ZBTB17: variants seen among roughly 807,000 people sequenced by gnomAD.
ZBTB17 encodes the protein zinc finger and BTB domain containing 17.
A neutral mutation model predicts 85.1 loss-of-function variants in ZBTB17; 24 were observed. The observed-to-expected ratio is 0.28, with a 90% confidence interval of 0.20 to 0.40. The LOEUF (loss-of-function observed/expected upper bound fraction) is 0.40, where lower values mean the gene tolerates loss of function less well. Ranked by LOEUF, ZBTB17 falls within the 10% of genes least tolerant of loss-of-function variation. ZBTB17 has a pLI of 1.00. For synonymous variants in ZBTB17, 464 were observed against 460.2 expected (o/e 1.01, Z -0.11); for missense variants, 743 against 1,105.1 (o/e 0.67, Z 4.65).
chr1:15,944,205 G>C (rs1389395582), intron 9 of ZBTB17, 95 bp downstream of exon 9: 1 of 1,488,612 alleles, frequency 6.7e-7, no homozygotes, highest in East Asian at 2.5e-5. Flanking sequence ...CCTGGAGGCC[G>C]GGGCTGTGCT....
Position 15,962,950 on chromosome 1 carries a change from T to TA in ZBTB17, c.-3+10088dup, listed in dbSNP as rs1292468643. Among the ~76,000 whole-genome samples the TA allele has an allele frequency of 6.6e-5, 10 of 151,608 alleles. 1 individual carries two copies. Among genetic ancestry groups the TA allele is most frequent in the Non-Finnish European group, 1.2e-4 (8 of 67,924 alleles). ...CTGAGCAACAGCGAGACCCTGTTTC[T>TA]AAAAAAAATAAAAAAATAAAGCAAA... is the stretch of plus-strand genomic sequence containing the variant. On this transcript the variant is annotated intron_variant, in intron 2 of 15. Transcript: ENST00000375743.
At chr1:15,948,191 C>T in intron 3 of ZBTB17, 100 bp downstream of exon 3, 1 of 1,441,940 alleles carries the variant, frequency 6.9e-7, no homozygotes, top group Non-Finnish European at 9.6e-7. Flanking sequence ...CTGTTGCATC[C>T]CACAGCCTGC....
Position 15,944,489 on chromosome 1 carries a change from G to C in ZBTB17, c.1182C>G (p.Asp394Glu). 3 of 1,579,474 alleles carry C rather than the reference G, an allele frequency of 1.9e-6. No individual in the cohort carries two copies. Among genetic ancestry groups the C allele is most frequent in the Non-Finnish European group, 2.6e-6 (3 of 1,164,610 alleles). ...HSGEARYRCE[D>E]CGKLFTTSGN... is the part of the protein sequence containing the mutation. ...CCGAGGTGGTGAAGAGCTTGCCGCA[G>C]TCCTCGCAGCGGTAGCGCGCCTCGC... The change falls in exon 9 of 16, where the codon GAC (aspartate) becomes GAG (glutamate). Residue 394 changes from aspartate (D) to glutamate (E), a missense_variant. Asp to Glu is a conservative substitution (Grantham distance 45). Transcript: ENST00000375743.
intron 2 of ZBTB17, among the ~76,000 whole-genome samples, chr1:15,960,076 C>T (rs991467170): frequency 5.3e-5 from 8 of 152,222 alleles, no homozygotes; most frequent in Non-Finnish European, 1.2e-4. Flanking sequence ...GACACTGCGA[C>T]GACACTGAAG....
At chr1:15,943,564 C>T in intron 11 of ZBTB17, 35 bp downstream of exon 11, 2 of 1,612,326 alleles carry the variant, frequency 1.2e-6, no homozygotes, top group Non-Finnish European at 1.7e-6. Context: ...CTCTCCGTGC[C>T]CTCCCAGTCC....
At position 15,953,609 on chromosome 1, in the gene ZBTB17, G is replaced by A. The variant is rs1418505353; in HGVS notation, c.-2-5112C>T. Reference sequence around the variant, plus strand: ...AGTAAGCCAGGTTTCTGTTTGGGCCGTGAAATCCACTCTGGTGCCAAGTTC... The same window carrying A: ...AGTAAGCCAGGTTTCTGTTTGGGCCATGAAATCCACTCTGGTGCCAAGTTC... On this transcript the variant is annotated intron_variant, in intron 2 of 15. Coordinates refer to ENST00000375743, the MANE Select transcript of ZBTB17 (RefSeq NM_003443.3). This position sits in a 1 kb window ranked among gnomAD's most constrained non-coding sequence, Gnocchi z 5.1. Among the ~76,000 whole-genome samples the A allele has an allele frequency of 4.6e-5, 7 of 152,294 alleles. No individual in the cohort carries two copies. The highest frequency in any genetic ancestry group is 2.6e-4 in the Admixed American group (4 of 15,298).
At chr1:15,961,173 G>A (rs528596698) in intron 2 of ZBTB17, among the ~76,000 whole-genome samples, 1 of 152,312 alleles carries the variant, frequency 6.6e-6, no homozygotes, top group African/African-American at 2.4e-5. Context: ...TCATTAATGA[G>A]GCTGCCATGC....
rs1288822239 is a variant in ZBTB17 at position 15,964,734 on chromosome 1, A to G, written c.-3+8305T>C. Among the ~76,000 whole-genome samples, 3 of 152,148 alleles carry G rather than the reference A, an allele frequency of 2.0e-5. No individual in the cohort carries two copies. The highest frequency in any genetic ancestry group is 7.2e-5 in the African/African-American group (3 of 41,434). ...CCTGTCTCAGAAAAAAATAAAATGA[A>G]AATGGAAGAGCAATGGGCCAAGGAT... On this transcript the variant is annotated intron_variant, in intron 2 of 15. Transcript: ENST00000375743. The surrounding 1 kb of genome is among the most constrained non-coding windows in gnomAD (Gnocchi z 4.3).
Position 15,964,411 on chromosome 1 carries a change from C to G in ZBTB17, c.-3+8628G>C. Among the ~76,000 whole-genome samples, 1 of 152,120 alleles carries G rather than the reference C, an allele frequency of 6.6e-6. No individual in the cohort carries two copies. Among genetic ancestry groups the G allele is most frequent in the Non-Finnish European group, 1.5e-5 (1 of 68,034 alleles). On this transcript the variant is annotated intron_variant, in intron 2 of 15. Coordinates refer to ENST00000375743, the MANE Select transcript of ZBTB17 (RefSeq NM_003443.3). This position sits in a 1 kb window ranked among gnomAD's most constrained non-coding sequence, Gnocchi z 4.3. The stretch of plus-strand genomic sequence containing the variant: ...TACCAACAATTTTTATGGCATTTGA[C>G]AAATGTAATCTAACATGACAATGGG...
intron 2 of ZBTB17, among the ~76,000 whole-genome samples, chr1:15,950,960 G>C (rs2071811609): frequency 6.6e-6 from 1 of 152,178 alleles, no homozygotes. Flanking sequence ...AAGCTAGATA[G>C]ATTAGATAAG....
chr1:15,944,501 G>T lies in ZBTB17; in HGVS notation c.1170C>A (p.Tyr390Ter). The T allele has an allele frequency of 1.3e-6, 2 of 1,582,542 alleles. No homozygotes were observed. Among genetic ancestry groups the T allele is most frequent in the Admixed American group, 1.8e-5 (1 of 55,030 alleles). ...HKKRHSGEAR[Y>*]RCEDCGKLFT... Reference sequence around the variant, plus strand: ...AGAGCTTGCCGCAGTCCTCGCAGCGGTAGCGCGCCTCGCCCGAGTGCCGCT... The same window carrying T: ...AGAGCTTGCCGCAGTCCTCGCAGCGTTAGCGCGCCTCGCCCGAGTGCCGCT... Residue 390 changes from tyrosine to a stop codon, truncating the protein, a stop_gained, in exon 9 of 16, where the codon TAC (tyrosine) becomes TAA (stop). Transcript: ENST00000375743. LOFTEE classifies it high-confidence loss of function.
chr1:15,975,008 T>C (rs930646691), intron 1 of ZBTB17, among the ~76,000 whole-genome samples: 6 of 152,232 alleles, frequency 3.9e-5, no homozygotes, highest in Admixed American at 3.3e-4. Flanking sequence ...AGATCTTAGC[T>C]TTCTGGGGGA....
chr1:15,945,312 G>A (rs2071552438), intron 6 of ZBTB17, 110 bp from the exon 7 acceptor site: 4 of 1,468,502 alleles, frequency 2.7e-6, no homozygotes, highest in Non-Finnish European at 3.6e-6. Context: ...CACTGGCCAA[G>A]GAAAGCCCCC....
intron 13 of ZBTB17, 123 bp downstream of exon 13, chr1:15,942,941 A>G: frequency 1.4e-6 from 2 of 1,471,712 alleles, no homozygotes; most frequent in South Asian, 2.6e-5. Flanking sequence ...AACTGCCTTC[A>G]AGGCCACCTG....
intron 2 of ZBTB17, among the ~76,000 whole-genome samples, chr1:15,972,688 C>A (rs2072730176): frequency 6.6e-6 from 1 of 152,192 alleles, no homozygotes; most frequent in Non-Finnish European, 1.5e-5. Flanking sequence ...TCAAAGGAAT[C>A]CTGCTCCCAG....
At chr1:15,947,769 T>G (rs2071673804) in intron 3 of ZBTB17, among the ~76,000 whole-genome samples, 1 of 152,192 alleles carries the variant, frequency 6.6e-6, no homozygotes, top group African/African-American at 2.4e-5. Context: ...TCTTTGGGTC[T>G]CAGTTTCCAC....
intron 2 of ZBTB17, chr1:15,970,321 A>G (rs1337040122): frequency 3.8e-6 from 1 of 263,980 alleles, no homozygotes; most frequent in Non-Finnish European, 7.1e-6. Context: ...AGAAGGAAAA[A>G]TAAAAAAAGT....
At chr1:15,971,407 T>C (rs554138790) in intron 2 of ZBTB17, among the ~76,000 whole-genome samples, 4 of 143,520 alleles carry the variant, frequency 2.8e-5, no homozygotes, top group South Asian at 2.1e-4. Flanking sequence ...ACTATATATA[T>C]ACACACACAC....
At chr1:15,946,614 C>T (rs2148765045) in intron 4 of ZBTB17, among the ~76,000 whole-genome samples, 1 of 152,352 alleles carries the variant, frequency 6.6e-6, no homozygotes, top group Non-Finnish European at 1.5e-5. Context: ...CAGCAAGGCA[C>T]CTGGCCCATA....
Sources: allele counts gnomAD v4.1 joint callset (sites outside exome capture counted in the v4.1 genomes callset), GRCh38; gene constraint gnomAD v4.1.1; non-coding constraint Gnocchi (gnomAD v3.1); transcripts MANE v1.5; gene names NCBI Gene and HGNC (gene_info 2026-07-23, HGNC 2026-07-21).